Variants in CD99L2 observed in about 807,000 individuals in gnomAD.
CD99L2 encodes CD99 antigen-like protein 2.
CD99L2 carries 24 observed loss-of-function variants against 27.3 expected under a neutral mutation model. The ratio of observed to expected loss-of-function variants is 0.88; its 90% confidence interval spans 0.64 to 1.24. The LOEUF (loss-of-function observed/expected upper bound fraction) is 1.24. CD99L2 is among the 50% of genes most tolerant of loss of function. The pLI, the probability that CD99L2 is intolerant of heterozygous loss-of-function variation, is 0.00. For synonymous variants in CD99L2, 97 were observed against 87.9 expected (o/e 1.10, Z -0.58); for missense variants, 255 against 221.6 (o/e 1.15, Z -0.96).
intron 1 of CD99L2, among the ~76,000 whole-genome samples, chrX:150,844,405 C>A (rs1013738553): frequency 8.9e-6 from 1 of 111,866 alleles, no homozygotes; most frequent in Non-Finnish European, 1.9e-5. Context: ...GTGAAAACAA[C>A]TTCTCTCCCT....
intron 4 of CD99L2, among the ~76,000 whole-genome samples, chrX:150,807,803 C>T (rs1425321944): frequency 8.9e-6 from 1 of 112,119 alleles, no homozygotes; most frequent in Non-Finnish European, 1.9e-5. Context: ...CTACATACAT[C>T]CTGTTCTGTG....
chrX:150,787,912 AT>A (rs1569565898), intron 7 of CD99L2, among the ~76,000 whole-genome samples: 2 of 96,390 alleles, frequency 2.1e-5, no homozygotes, highest in Non-Finnish European at 4.1e-5. Context: ...ATATATATAT[AT>A]ATATATATAT....
chrX:150,838,158 G>T (rs1163468408), intron 1 of CD99L2, among the ~76,000 whole-genome samples: 1 of 111,872 alleles, frequency 8.9e-6, no homozygotes, highest in Non-Finnish European at 1.9e-5. Flanking sequence ...ACTCCTGACT[G>T]GGGGGTGCTG....
intron 2 of CD99L2, chrX:150,829,198 A>G: frequency 6.9e-6 from 1 of 145,429 alleles, no homozygotes; most frequent in Non-Finnish European, 1.3e-5. Flanking sequence ...GCGCACATAT[A>G]TGTATGTGTA....
intron 4 of CD99L2, among the ~76,000 whole-genome samples, chrX:150,802,935 G>A (rs1248804877): frequency 1.4e-5 from 1 of 71,917 alleles, no homozygotes; most frequent in East Asian, 5.2e-4. Context: ...TCACTTTGTC[G>A]CCCAGGCTGG....
chrX:150,852,418 G>A (rs992282253), intron 1 of CD99L2, among the ~76,000 whole-genome samples: 3 of 109,509 alleles, frequency 2.7e-5, no homozygotes, highest in Admixed American at 2.0e-4. Flanking sequence ...CCCTCTGCCC[G>A]GAAGACTCCT....
Position 150,859,328 on chromosome X carries a change from G to A in CD99L2, c.68-28035C>T, listed in dbSNP as rs191860172. Among the ~76,000 whole-genome samples, 688 of 110,400 alleles carry A rather than the reference G, an allele frequency of 6.2e-3. 7 individuals are homozygous for A. The highest frequency in any genetic ancestry group is 0.014 in the Middle Eastern group (3 of 214). On this transcript the variant is annotated intron_variant, in intron 1 of 10. Coordinates refer to ENST00000370377, the MANE Select transcript of CD99L2 (RefSeq NM_031462.4). ...AGCCTGGCCAAGATGGTGAAACCCC[G>A]TCTCTACTAAAAATATAAAAATTAG...
rs184196176 is a variant in CD99L2, at chrX:150,773,114, C to G, written c.656-2745G>C. 2.1e-4 allele frequency among the ~76,000 whole-genome samples: 24 copies of G among 112,720 alleles called. No individual in the cohort carries two copies. In the East Asian group the frequency reaches 6.7e-3, roughly 31 times the overall value. ...GCTTTGGAAATCAACCTATTTTTCT[C>G]TCTCTGTTCCTACTGACACCTGAGC... On this transcript the variant is annotated intron_variant, in intron 9 of 10. Transcript: ENST00000370377.
intron 1 of CD99L2, among the ~76,000 whole-genome samples, chrX:150,862,185 T>G (rs1251126267): frequency 8.9e-6 from 1 of 112,095 alleles, no homozygotes; most frequent in Admixed American, 9.5e-5. Flanking sequence ...ACAAAGGTAA[T>G]AGCATCCAAT....
chrX:150,876,140 T>C (rs886798862), intron 1 of CD99L2, among the ~76,000 whole-genome samples: 1 of 112,369 alleles, frequency 8.9e-6, no homozygotes, highest in Non-Finnish European at 1.9e-5. Flanking sequence ...GGAATAAAGC[T>C]GTTATGAACA....
At chrX:150,836,736 C>T (rs781876647) in intron 1 of CD99L2, among the ~76,000 whole-genome samples, 1 of 111,873 alleles carries the variant, frequency 8.9e-6, no homozygotes, top group Non-Finnish European at 1.9e-5. Context: ...GGTGTCCTTA[C>T]ACAAATCTAG....
At chrX:150,769,808 C>T (rs782462911) in intron 10 of CD99L2, among the ~76,000 whole-genome samples, 20 of 112,921 alleles carry the variant, frequency 1.8e-4, no homozygotes, top group African/African-American at 4.8e-4. Flanking sequence ...TGAACTTATG[C>T]GACCTCAAAT....
intron 2 of CD99L2, chrX:150,819,079 T>C: frequency 3.1e-6 from 1 of 319,401 alleles, no homozygotes; most frequent in Non-Finnish European, 5.9e-6. Context: ...TACAAATGGT[T>C]CCCAGTTTTT....
chrX:150,889,507 C>T (rs1247614018), intron 1 of CD99L2, among the ~76,000 whole-genome samples: 4 of 112,093 alleles, frequency 3.6e-5, no homozygotes, highest in East Asian at 5.6e-4. Context: ...AAATGAGCCC[C>T]GGCTGTGCCT....
chrX:150,847,811 G>A (rs782675186), intron 1 of CD99L2, among the ~76,000 whole-genome samples: 11 of 110,758 alleles, frequency 9.9e-5, no homozygotes, highest in Non-Finnish European at 1.9e-4. Flanking sequence ...ATTCTCCATA[G>A]CCACCCTGTC....
chrX:150,879,897 C>A (rs782739613), intron 1 of CD99L2, among the ~76,000 whole-genome samples: 1 of 94,214 alleles, frequency 1.1e-5, no homozygotes, highest in African/African-American at 4.1e-5. Context: ...TGCACTCCAG[C>A]CTGGGTGACA....
chrX:150,894,022 C>T (rs192507364), intron 1 of CD99L2, among the ~76,000 whole-genome samples: 354 of 111,467 alleles, frequency 3.2e-3, no homozygotes, highest in African/African-American at 0.01. Flanking sequence ...GGCCACAATT[C>T]AGCCTTTTTA....
At chrX:150,842,497 G>A (rs1354188431) in intron 1 of CD99L2, among the ~76,000 whole-genome samples, 2 of 112,049 alleles carry the variant, frequency 1.8e-5, no homozygotes, top group African/African-American at 6.5e-5. Context: ...TGATTGAAAC[G>A]TCTGATCCTT....
intron 4 of CD99L2, among the ~76,000 whole-genome samples, chrX:150,799,240 G>A (rs2045863899): frequency 9.1e-6 from 1 of 110,160 alleles, no homozygotes; most frequent in African/African-American, 3.3e-5. Flanking sequence ...GCTCATGCTT[G>A]TAATCCCAGA....
Sources: allele counts gnomAD v4.1 joint callset (sites outside exome capture counted in the v4.1 genomes callset), GRCh38; gene constraint gnomAD v4.1.1; transcripts MANE v1.5; gene names NCBI Gene and HGNC (gene_info 2026-07-23, HGNC 2026-07-21).